The following PLS3 variants were observed in gnomAD, a reference collection of about 807,000 sequenced individuals.
The protein encoded by PLS3 is plastin 3, also known as plastin-3.
PLS3 carries 11 observed loss-of-function variants against 46.5 expected under a neutral mutation model. That is an observed-to-expected ratio of 0.24 (90% CI 0.15 to 0.39). PLS3 has a LOEUF of 0.39. Ranked by LOEUF, PLS3 falls within the 10% of genes least tolerant of loss-of-function variation. The pLI is 1.00. For synonymous variants in PLS3, 167 were observed against 162.2 expected, an observed-to-expected ratio of 1.03 and a Z score of -0.22; for missense variants, 308 against 461.8, an observed-to-expected ratio of 0.67 and a Z score of 3.05.
intron 1 of PLS3, among the ~76,000 whole-genome samples, chrX:115,579,933 G>A (rs143060787): frequency 4.5e-5 from 5 of 111,149 alleles, no homozygotes; most frequent in Admixed American, 3.9e-4. Context: ...TGCCCAGGCT[G>A]ATGTGAAACG....
chrX:115,604,123 T>G (rs948706339), intron 1 of PLS3, among the ~76,000 whole-genome samples: 7 of 112,240 alleles, frequency 6.2e-5, no homozygotes, highest in African/African-American at 2.3e-4. Flanking sequence ...AAAAAGTGAC[T>G]GACAGGTTTT....
intron 1 of PLS3, among the ~76,000 whole-genome samples, chrX:115,607,391 A>G (rs782510818): frequency 2.7e-5 from 3 of 112,135 alleles, no homozygotes; most frequent in African/African-American, 9.7e-5. Context: ...CAACCTGTCT[A>G]CTGAGAAGTT....
At chrX:115,568,917 T>A (rs1377944186) in intron 1 of PLS3, among the ~76,000 whole-genome samples, 1 of 110,393 alleles carries the variant, frequency 9.1e-6, no homozygotes, top group Non-Finnish European at 1.9e-5. Context: ...ACGCCTGTAA[T>A]CCCAGCTACT....
rs782374212 is a variant in PLS3 at position 115,597,132 on chromosome X, G to A, written c.-8-13111G>A. On this transcript the variant is annotated intron_variant, in intron 1 of 15. Transcript: ENST00000355899. Reference sequence around the variant, plus strand: ...TGCACTCCAGCCTGGGCGACAGAGTGAGACTCTGCCTCAAAACTAATAATA... The same window carrying A: ...TGCACTCCAGCCTGGGCGACAGAGTAAGACTCTGCCTCAAAACTAATAATA... Among the ~76,000 whole-genome samples, 7 of 110,285 alleles carry A rather than the reference G, an allele frequency of 6.3e-5. No homozygotes were observed. In the South Asian group the frequency reaches 1.6e-3, roughly 25 times the overall value.
intron 3 of PLS3, 77 bp downstream of exon 3, chrX:115,622,486 C>T (rs2074666580): frequency 1.6e-6 from 1 of 620,092 alleles, no homozygotes; most frequent in Non-Finnish European, 2.5e-6. Flanking sequence ...GTATTAAGTA[C>T]TGTTATGTTA....
intron 5 of PLS3, among the ~76,000 whole-genome samples, chrX:115,632,703 G>A (rs1218786335): frequency 9.1e-6 from 1 of 109,956 alleles, no homozygotes; most frequent in African/African-American, 3.3e-5. Flanking sequence ...TTCCAATGCA[G>A]GATTTTATCT....
chrX:115,589,030 C>T (rs781867279), intron 1 of PLS3, among the ~76,000 whole-genome samples: 4 of 111,590 alleles, frequency 3.6e-5, no homozygotes, highest in African/African-American at 9.8e-5. Flanking sequence ...TTGCTCTGTC[C>T]GTGCAGTGGC....
intron 1 of PLS3, among the ~76,000 whole-genome samples, chrX:115,564,782 A>G (rs181418890): frequency 3.1e-4 from 35 of 112,321 alleles, no homozygotes; most frequent in African/African-American, 1.1e-3. Flanking sequence ...GGTACAGATT[A>G]TGAAAGTAGC....
At chrX:115,631,500 G>A (rs1177400145) in intron 5 of PLS3, among the ~76,000 whole-genome samples, 1 of 111,223 alleles carries the variant, frequency 9.0e-6, no homozygotes, top group Non-Finnish European at 1.9e-5. Flanking sequence ...TTGGGAGGCA[G>A]AGGCAGCAAG....
intron 8 of PLS3, among the ~76,000 whole-genome samples, chrX:115,639,146 T>C (rs2074869427): frequency 8.9e-6 from 1 of 112,408 alleles, no homozygotes; most frequent in Non-Finnish European, 1.9e-5. Context: ...CTGGGTCTGC[T>C]CTTTACTTGT....
At position 115,599,378 on chromosome X, in the gene PLS3, G is replaced by A. The variant is rs781794127; in HGVS notation, c.-8-10865G>A. On this transcript the variant is annotated intron_variant, in intron 1 of 15. Coordinates refer to ENST00000355899, the MANE Select transcript of PLS3 (RefSeq NM_005032.7). ...AAGAAATAAAAATTAAAAATTAGCCGAGTATGGTGGTGCATGCTTGTAGTC... is the reference window on the plus strand; with the variant it reads ...AAGAAATAAAAATTAAAAATTAGCCAAGTATGGTGGTGCATGCTTGTAGTC... 1.3e-4 allele frequency among the ~76,000 whole-genome samples: 13 copies of A among 103,297 alleles called. No individual in the cohort carries two copies. The East Asian group carries it at 3.0e-3, about 24-fold the overall frequency. The allele number at this position is 103,297 out of a possible 115,157, so 89.7% of individuals were successfully genotyped here.
At chrX:115,614,635 C>T (rs1030790805) in intron 2 of PLS3, 2 of 510,159 alleles carry the variant, frequency 3.9e-6, no homozygotes, top group African/African-American at 2.6e-5. Context: ...AGCTTGATTT[C>T]ACTGCTTAGA....
At chrX:115,566,545 T>C (rs2074174252) in intron 1 of PLS3, among the ~76,000 whole-genome samples, 2 of 109,626 alleles carry the variant, frequency 1.8e-5, no homozygotes, top group South Asian at 3.9e-4. Flanking sequence ...CCCGCCACTG[T>C]GCCCAGCTAG....
At chrX:115,580,683 A>G (rs1432894914) in intron 1 of PLS3, among the ~76,000 whole-genome samples, 2 of 112,063 alleles carry the variant, frequency 1.8e-5, no homozygotes, top group Non-Finnish European at 3.8e-5. Flanking sequence ...GTCTATAACT[A>G]CAAAAACTGT....
chrX:115,611,365 A>G (rs932056610), intron 2 of PLS3, among the ~76,000 whole-genome samples: 4 of 112,809 alleles, frequency 3.5e-5, no homozygotes, highest in Non-Finnish European at 5.6e-5. Context: ...GTGTGTGTGT[A>G]TAAAAATAGC....
In PLS3 at chrX:115,592,460, C is replaced by T. The variant is rs141837697; in HGVS notation, c.-8-17783C>T. 7.2e-3 allele frequency among the ~76,000 whole-genome samples: 805 copies of T among 111,672 alleles called. 9 individuals are homozygous for T. The highest frequency in any genetic ancestry group is 0.025 in the African/African-American group (755 of 30,781). On this transcript the variant is annotated intron_variant, in intron 1 of 15. Coordinates refer to ENST00000355899, the MANE Select transcript of PLS3 (RefSeq NM_005032.7). ...CACAGACTTACAGGTCTGTCAGACT[C>T]CTAAGACCCTGATGCTTTCATTGTG... is the stretch of plus-strand genomic sequence containing the variant.
intron 1 of PLS3, among the ~76,000 whole-genome samples, chrX:115,566,108 CTTTT>C (rs2074170409): frequency 8.9e-6 from 1 of 112,095 alleles, no homozygotes; most frequent in Non-Finnish European, 1.9e-5. Flanking sequence ...GAAGCCTTGG[CTTTT>C]AAGCAGACAG....
chrX:115,622,447 G>A, intron 3 of PLS3, 38 bp downstream of exon 3: 1 of 938,866 alleles, frequency 1.1e-6, no homozygotes, highest in Non-Finnish European at 1.5e-6. Context: ...AGAAGTAGTA[G>A]ATGTTCCCTC....
In PLS3 at chrX:115,626,286, C is replaced by CT. The variant is rs199906155; in HGVS notation, c.238-2897dup. 6.4e-3 allele frequency among the ~76,000 whole-genome samples: 653 copies of CT among 101,497 alleles called. 9 individuals carry two copies. The highest frequency in any genetic ancestry group is 0.021 in the African/African-American group (580 of 28,133). The allele number at this position is 101,497 out of a possible 115,157, so 88.1% of individuals were successfully genotyped here. A position where few individuals can be genotyped will look rare whatever the true frequency, so the allele number is the denominator to read the frequency against. On this transcript the variant is annotated intron_variant, in intron 3 of 15. Transcript: ENST00000355899. The stretch of plus-strand genomic sequence containing the variant: ...CTTCAGTTCTTTCTTATCATTTTTA[C>CT]TTTTTTTTTTTTTTTGAGACGGAGT...
Sources: gnomAD v4.1 joint callset for allele counts (sites outside exome capture counted in the v4.1 genomes callset) on GRCh38, gnomAD v4.1.1 for gene constraint, MANE v1.5 for transcripts, NCBI Gene and HGNC (gene_info 2026-07-23, HGNC 2026-07-21) for gene names.